The following KCNQ1 variants were observed in gnomAD, a reference collection of about 807,000 sequenced individuals.
The protein encoded by KCNQ1 is potassium voltage-gated channel subfamily KQT member 1.
A neutral mutation model predicts 72.4 loss-of-function variants in KCNQ1; 49 were observed. That is an observed-to-expected ratio of 0.68 (90% confidence interval 0.54 to 0.86). The LOEUF is 0.86. Ranked by LOEUF, KCNQ1 falls within the 40% of genes least tolerant of loss-of-function variation. KCNQ1 has a pLI of 0.00. For synonymous variants in KCNQ1, 450 were observed against 412.6 expected (o/e 1.09, Z -1.10); for missense variants, 790 against 945.1 (o/e 0.84, Z 2.15).
intron 11 of KCNQ1, chr11:2,684,657 C>G (rs1394041825): frequency 1.0e-5 from 4 of 398,514 alleles, no homozygotes; most frequent in Non-Finnish European, 1.8e-5. Context: ...GAAAGAAAGG[C>G]TTGTTGGATG....
Position 2,652,706 on chromosome 11 carries a change from C to T in KCNQ1, c.1394-9255C>T, listed in dbSNP as rs1849775807. On this transcript the variant is annotated intron_variant, in intron 10 of 15. Coordinates refer to ENST00000155840, the MANE Select transcript of KCNQ1 (RefSeq NM_000218.3). This position sits in a 1 kb window ranked among gnomAD's most constrained non-coding sequence, Gnocchi z 5.9. ...GTGGGTGGCTGTGTTGCTCTCTTTC[C>T]GTTTCCTGGGCTCACTCACGCTCAG... is the stretch of plus-strand genomic sequence containing the variant. 3 of 398,856 alleles carry T rather than the reference C, an allele frequency of 7.5e-6. No homozygotes were observed. The highest frequency in any genetic ancestry group is 1.3e-5 in the Non-Finnish European group (3 of 226,308). The allele number at this position is 398,856 out of a possible 1,614,324, so 24.7% of individuals were successfully genotyped here.
intron 2 of KCNQ1, among the ~76,000 whole-genome samples, chr11:2,545,371 T>G (rs1847890115): frequency 1.3e-5 from 2 of 152,206 alleles, no homozygotes; most frequent in Non-Finnish European, 1.5e-5. Context: ...CTGTGTTTGG[T>G]GGACTCCATC....
chr11:2,788,276 T>C (rs1846950721), intron 15 of KCNQ1, among the ~76,000 whole-genome samples: 2 of 151,836 alleles, frequency 1.3e-5, no homozygotes, highest in Non-Finnish European at 2.9e-5. Flanking sequence ...CTCCCCGAGG[T>C]CCCTAAGGAA....
chr11:2,681,266 T>G, intron 11 of KCNQ1: 1 of 398,542 alleles, frequency 2.5e-6, no homozygotes, highest in East Asian at 3.6e-5. Context: ...AGGAGAGAGC[T>G]TCACTTTCTC....
intron 15 of KCNQ1, chr11:2,840,033 G>A (rs1052686797): frequency 5.3e-5 from 8 of 152,188 alleles, no homozygotes; most frequent in Non-Finnish European, 1.0e-4. Context: ...ACCGACCCCC[G>A]AACTGCCCAG....
chr11:2,607,651 CTG>C (rs1848902976), intron 10 of KCNQ1, among the ~76,000 whole-genome samples: 1 of 152,174 alleles, frequency 6.6e-6, no homozygotes, highest in Non-Finnish European at 1.5e-5. Context: ...AAATAAATTT[CTG>C]TGTTTATAAG....
chr11:2,832,822 T>C (rs1847980125), intron 15 of KCNQ1, among the ~76,000 whole-genome samples: 1 of 151,958 alleles, frequency 6.6e-6, no homozygotes, highest in Admixed American at 6.5e-5. Context: ...AGGTGACAAC[T>C]GTAGGGTGTG....
intron 10 of KCNQ1, chr11:2,616,749 A>G: frequency 2.5e-6 from 1 of 398,130 alleles, no homozygotes; most frequent in East Asian, 3.6e-5. Context: ...GTTAGAGAAG[A>G]TATTTTGTAT....
chr11:2,454,161 T>G (rs56016262), intron 1 of KCNQ1, among the ~76,000 whole-genome samples: 2 of 152,018 alleles, frequency 1.3e-5, no homozygotes, highest in Admixed American at 6.6e-5. Context: ...AGTCTGGATG[T>G]ATATTAAAAA....
chr11:2,588,628 G>T lies in KCNQ1; in HGVS notation c.1252-85G>T. On this transcript the variant is annotated intron_variant, in intron 9 of 15. Transcript: ENST00000155840. This position sits in a 1 kb window ranked among gnomAD's most constrained non-coding sequence, Gnocchi z 5.6. ...GTATGTGGCGGGGGCTGGGCTCGGG[G>T]CGGCTGCACAGGCACTCTGGGGCCG... The T allele has an allele frequency of 1.3e-6, 2 of 1,558,284 alleles. No homozygotes were observed. The highest frequency in any genetic ancestry group is 1.8e-6 in the Non-Finnish European group (2 of 1,140,000).
chr11:2,534,494 G>T (rs1472556005), intron 2 of KCNQ1, among the ~76,000 whole-genome samples: 1 of 152,238 alleles, frequency 6.6e-6, no homozygotes, highest in Non-Finnish European at 1.5e-5. Flanking sequence ...GCCCGCTGAG[G>T]GTTGTCTTCC....
At chr11:2,513,637 A>G (rs1182345323) in intron 1 of KCNQ1, among the ~76,000 whole-genome samples, 1 of 152,164 alleles carries the variant, frequency 6.6e-6, no homozygotes, top group African/African-American at 2.4e-5. Flanking sequence ...GGGAGCCTCC[A>G]TCACCAGAGC....
chr11:2,848,414 C>A lies in KCNQ1; in HGVS notation c.*411C>A. On this transcript the variant is annotated 3_prime_UTR_variant, in exon 16 of 16. Transcript: ENST00000155840. ...GGGGAGACAGAGCAACCCCTGGACC[C>A]CAGCCTCAAATCCAGGACCCTGCCA... The A allele has an allele frequency of 2.1e-6, 1 of 477,956 alleles. No homozygotes were observed. The highest frequency in any genetic ancestry group is 1.5e-5 in the South Asian group (1 of 64,526). 29.6% of individuals were successfully genotyped at this position (477,956 alleles called of 1,614,324 possible). A position where few individuals can be genotyped will look rare whatever the true frequency, so the allele number is the denominator to read the frequency against.
At chr11:2,571,451 C>A in intron 4 of KCNQ1, 48 bp downstream of exon 4, 1 of 1,530,112 alleles carries the variant, frequency 6.5e-7, no homozygotes, top group Non-Finnish European at 9.0e-7. Flanking sequence ...CCACCCCGAG[C>A]ACCCCTCCTG....
At chr11:2,763,690 A>G (rs1846448287) in intron 11 of KCNQ1, among the ~76,000 whole-genome samples, 1 of 152,022 alleles carries the variant, frequency 6.6e-6, no homozygotes, top group Non-Finnish European at 1.5e-5. Flanking sequence ...CCTGAGTAGC[A>G]AGAAGCACAG....
At chr11:2,692,164 C>T (rs1850598846) in intron 11 of KCNQ1, 1 of 398,630 alleles carries the variant, frequency 2.5e-6, no homozygotes, top group Non-Finnish European at 4.4e-6. Context: ...GTCACCCATC[C>T]TTTCAGTGGC....
chr11:2,796,987 T>G (rs1346973453), intron 15 of KCNQ1, among the ~76,000 whole-genome samples: 2 of 152,146 alleles, frequency 1.3e-5, no homozygotes, highest in Non-Finnish European at 2.9e-5. Flanking sequence ...GAGGCGAAAT[T>G]AGATCCGTGG....
intron 6 of KCNQ1, among the ~76,000 whole-genome samples, chr11:2,578,551 G>A (rs1848454373): frequency 6.6e-6 from 1 of 152,260 alleles, no homozygotes; most frequent in African/African-American, 2.4e-5. Flanking sequence ...CCCTGGAGAG[G>A]GGAGCAGGCC....
chr11:2,709,617 C>G (rs1449045972), intron 11 of KCNQ1, among the ~76,000 whole-genome samples: 1 of 152,088 alleles, frequency 6.6e-6, no homozygotes, highest in African/African-American at 2.4e-5. Context: ...ACCCTGCATT[C>G]TTTAGCCGTC....
Sources: allele counts gnomAD v4.1 joint callset (sites outside exome capture counted in the v4.1 genomes callset), GRCh38; gene constraint gnomAD v4.1.1; non-coding constraint Gnocchi (gnomAD v3.1); transcripts MANE v1.5; gene names NCBI Gene and HGNC (gene_info 2026-07-23, HGNC 2026-07-21).